WDPCP: variants seen among roughly 807,000 people sequenced by gnomAD.
WDPCP encodes the protein WD repeat containing planar cell polarity effector.
WDPCP carries 71 observed loss-of-function variants against 93.1 expected under a neutral mutation model. The ratio of observed to expected loss-of-function variants is 0.76; its 90% confidence interval spans 0.63 to 0.93. The LOEUF is 0.93. Ranked by LOEUF, WDPCP falls within the 40% of genes least tolerant of loss-of-function variation. The probability of loss-of-function intolerance (pLI) is 0.00; values close to 1 mark genes in which losing one functional copy is unlikely to be tolerated. For missense variants in WDPCP, 844 were observed against 887.4 expected (o/e 0.95, Z 0.62); for synonymous variants, 315 against 315.0 (o/e 1.00, Z 0.00).
intron 3 of WDPCP, chr2:63,622,318 C>T (rs548695610): frequency 2.5e-6 from 4 of 1,597,080 alleles, no homozygotes; most frequent in Non-Finnish European, 3.4e-6. Flanking sequence ...GAAGGGGCCT[C>T]GCCTTGCAGC....
At chr2:63,616,865 T>G (rs1469537495) in intron 3 of WDPCP, among the ~76,000 whole-genome samples, 1 of 152,212 alleles carries the variant, frequency 6.6e-6, no homozygotes, top group African/African-American at 2.4e-5. Flanking sequence ...ACAAAATGCT[T>G]TTTTTTAATT....
chr2:63,801,607 G>T (rs1233054576), intron 2 of WDPCP, among the ~76,000 whole-genome samples: 1 of 152,080 alleles, frequency 6.6e-6, no homozygotes, highest in Non-Finnish European at 1.5e-5. Flanking sequence ...CCCTGCGATT[G>T]GCTACTTTTA....
intron 13 of WDPCP, among the ~76,000 whole-genome samples, chr2:63,265,815 T>C (rs1682060155): frequency 6.6e-6 from 1 of 152,148 alleles, no homozygotes; most frequent in African/African-American, 2.4e-5. Context: ...TCATTCACCA[T>C]GATGAAGTGG....
intron 2 of WDPCP, among the ~76,000 whole-genome samples, chr2:63,701,391 C>T (rs915274593): frequency 4.6e-5 from 7 of 152,166 alleles, no homozygotes; most frequent in Non-Finnish European, 1.0e-4. Context: ...AACCTTCATA[C>T]ACCGTTGGTG....
chr2:63,319,118 G>C (rs370327814), intron 12 of WDPCP, among the ~76,000 whole-genome samples: 1 of 152,066 alleles, frequency 6.6e-6, no homozygotes, highest in Admixed American at 6.6e-5. Context: ...TTTGTGCAGC[G>C]ACTCCTCCAA....
chr2:63,153,371 G>A lies in WDPCP; in HGVS notation c.2158+124C>T, dbSNP rs1448757407. On this transcript the variant is annotated intron_variant, in intron 16 of 17. Coordinates refer to ENST00000272321, the MANE Select transcript of WDPCP (RefSeq NM_015910.7). ...TGGTATTTTATATCAATGACAAGCA[G>A]TCTTATACCAACTAGAAATGCTCAG... is the stretch of plus-strand genomic sequence containing the variant. 1.3e-5 allele frequency: 9 copies of A among 717,226 alleles called. No homozygotes were observed. In the East Asian group the frequency reaches 2.2e-4, roughly 18 times the overall value. 44.4% of individuals were successfully genotyped at this position (717,226 alleles called of 1,614,324 possible).
intron 14 of WDPCP, among the ~76,000 whole-genome samples, chr2:63,177,662 T>A (rs1220201716): frequency 2.0e-5 from 3 of 152,156 alleles, no homozygotes; most frequent in African/African-American, 7.2e-5. Context: ...AATTAAGATA[T>A]CTATAACCAG....
chr2:63,745,916 G>T (rs569664885), intron 2 of WDPCP, among the ~76,000 whole-genome samples: 3 of 152,162 alleles, frequency 2.0e-5, no homozygotes, highest in African/African-American at 7.2e-5. Context: ...TCAACCCATG[G>T]TATTGGCTAT....
intron 14 of WDPCP, among the ~76,000 whole-genome samples, chr2:63,203,816 G>A (rs1048703634): frequency 6.6e-6 from 1 of 152,096 alleles, no homozygotes; most frequent in Non-Finnish European, 1.5e-5. Flanking sequence ...GAGAACATGA[G>A]AAGTTTGTCT....
At chr2:63,321,887 A>G (rs958368832) in intron 12 of WDPCP, among the ~76,000 whole-genome samples, 2 of 152,018 alleles carry the variant, frequency 1.3e-5, no homozygotes, top group South Asian at 2.1e-4. Context: ...CTTTATTTCT[A>G]TTGTCTTCTT....
At chr2:63,567,380 A>C (rs1254894274) in intron 1 of WDPCP, among the ~76,000 whole-genome samples, 3 of 152,212 alleles carry the variant, frequency 2.0e-5, no homozygotes, top group Non-Finnish European at 4.4e-5. Flanking sequence ...CAAGGGTTTT[A>C]GAAGCTATGT....
At chr2:63,522,455 GACACACAC>G (rs112008719) in intron 1 of WDPCP, among the ~76,000 whole-genome samples, 53 of 127,294 alleles carry the variant, frequency 4.2e-4, no homozygotes, top group Middle Eastern at 3.8e-3. Context: ...CAGACAGACA[GACACACAC>G]ACACACACAC....
rs5831669 is a variant in WDPCP, at chr2:63,745,643, T to TACACACAC, written n.308+67971_308+67978dup. ...AAAATCATATGCGCATGCACGCACT[T>TACACACAC]ACACACACACACACACACACACACA... On this transcript the variant is annotated intron_variant and non_coding_transcript_variant, in intron 2 of 4. Coordinates refer to the WDPCP transcript ENST00000467687. Among the ~76,000 whole-genome samples the TACACACAC allele has an allele frequency of 3.2e-3, 472 of 149,766 alleles. 1 individual carries two copies. The highest frequency in any genetic ancestry group is 0.011 in the African/African-American group (444 of 40,940).
intron 2 of WDPCP, among the ~76,000 whole-genome samples, chr2:63,670,030 A>G (rs1042222031): frequency 3.3e-5 from 5 of 152,228 alleles, no homozygotes; most frequent in Non-Finnish European, 7.3e-5. Flanking sequence ...TGAGGTAGTT[A>G]AGAAAATGAT....
At chr2:63,158,596 A>T (rs1329193474) in intron 15 of WDPCP, among the ~76,000 whole-genome samples, 1 of 152,068 alleles carries the variant, frequency 6.6e-6, no homozygotes, top group Non-Finnish European at 1.5e-5. Context: ...CCAAATTTGA[A>T]GTTTTCAGGT....
At chr2:63,465,374 A>G (rs1481525418) in intron 6 of WDPCP, among the ~76,000 whole-genome samples, 2 of 152,120 alleles carry the variant, frequency 1.3e-5, no homozygotes, top group Non-Finnish European at 2.9e-5. Flanking sequence ...TGTGCTTTCC[A>G]CTACTATGCT....
intron 1 of WDPCP, among the ~76,000 whole-genome samples, chr2:63,495,063 TC>T (rs1701145069): frequency 1.3e-5 from 2 of 152,162 alleles, no homozygotes; most frequent in African/African-American, 4.8e-5. Context: ...GAATTTACTT[TC>T]TTCCGTGCAT....
chr2:63,266,135 C>T (rs761403467), intron 13 of WDPCP, among the ~76,000 whole-genome samples: 3 of 152,154 alleles, frequency 2.0e-5, no homozygotes, highest in Non-Finnish European at 4.4e-5. Context: ...CTATTCAACA[C>T]AGCACTGGAA....
chr2:63,252,419 G>T (rs866921363), intron 14 of WDPCP, among the ~76,000 whole-genome samples: 1 of 152,122 alleles, frequency 6.6e-6, no homozygotes, highest in Non-Finnish European at 1.5e-5. Context: ...AAAAGTACTG[G>T]AAGTCCTAGC....
Sources: gnomAD v4.1 joint callset for allele counts (sites outside exome capture counted in the v4.1 genomes callset) on GRCh38, gnomAD v4.1.1 for gene constraint, MANE v1.5 for transcripts, NCBI Gene and HGNC (gene_info 2026-07-23, HGNC 2026-07-21) for gene names.